The following VPS26A variants were observed in gnomAD, a reference collection of about 807,000 sequenced individuals.
VPS26A encodes the protein VPS26 retromer complex component A.
A neutral mutation model predicts 42.4 loss-of-function variants in VPS26A; 22 were observed. That is an observed-to-expected ratio of 0.52 (90% CI 0.37 to 0.74). The LOEUF (loss-of-function observed/expected upper bound fraction) is 0.74, where lower values mean the gene tolerates loss of function less well. Among genes scored for constraint, VPS26A ranks in the 30% least tolerant of loss-of-function variants. The pLI is 0.00. For synonymous variants in VPS26A, 110 were observed against 123.5 expected, an observed-to-expected ratio of 0.89 and a Z score of 0.73; for missense variants, 276 against 379.2, an observed-to-expected ratio of 0.73 and a Z score of 2.26.
intron 6 of VPS26A, 109 bp from the exon 7 acceptor site, chr10:69,165,933 G>A (rs1841677318): frequency 4.7e-6 from 5 of 1,071,242 alleles, no homozygotes; most frequent in African/African-American, 1.6e-5. Flanking sequence ...GTGATGGAGC[G>A]AGACACCGTC....
intron 1 of VPS26A, among the ~76,000 whole-genome samples, chr10:69,127,484 C>T (rs1840683891): frequency 6.7e-6 from 1 of 150,144 alleles, no homozygotes; most frequent in South Asian, 2.1e-4. Flanking sequence ...ACCCGGGAGG[C>T]GGAGCTTGCA....
chr10:69,158,060 G>C lies in VPS26A; in HGVS notation c.400G>C (p.Val134Leu), dbSNP rs11552064. 5 of 1,600,868 alleles carry C rather than the reference G, an allele frequency of 3.1e-6. No homozygotes were observed. The South Asian group carries it at 5.7e-5, about 18-fold the overall frequency. Residue 134 changes from valine (V) to leucine (L), a missense_variant, in exon 5 of 9, where the codon GTG (valine) becomes CTG (leucine). Transcript: ENST00000263559. ...ANVRLRYFLK[V>L]TIVRRLTDLV... ...TTAACTTTGTAGGTATTTTCTTAAA[G>C]TGACAATAGTGAGAAGACTGACAGA...
At position 69,172,208 on chromosome 10, in the gene VPS26A, G is replaced by A. The variant is rs918813817; in HGVS notation, c.*939G>A. 2.6e-5 allele frequency: 4 copies of A among 152,164 alleles called. No individual in the cohort carries two copies. Among genetic ancestry groups the A allele is most frequent in the Non-Finnish European group, 4.4e-5 (3 of 68,030 alleles). The allele number at this position is 152,164 out of a possible 1,614,324, so 9.4% of individuals were successfully genotyped here. On this transcript the variant is annotated 3_prime_UTR_variant, in exon 9 of 9. Coordinates refer to ENST00000263559, the MANE Select transcript of VPS26A (RefSeq NM_004896.5). ...TGGGGGACTCAGGAGGACCTGTGAA[G>A]CATGTAGTTATCTAGATCTGGGTAA...
intron 6 of VPS26A, among the ~76,000 whole-genome samples, chr10:69,164,149 C>T (rs1165525232): frequency 2.0e-5 from 3 of 151,908 alleles, no homozygotes; most frequent in Non-Finnish European, 4.4e-5. Flanking sequence ...CATTCATATT[C>T]TTTGCCCCAT....
In VPS26A at chr10:69,126,227, G is replaced by A. The variant is rs187689018; in HGVS notation, c.3+1947G>A. ...TGTAATCCCAACAATTTGGGAGGCC[G>A]AGGTGGGCGGATCACCTTGAAGTCG... On this transcript the variant is annotated intron_variant, in intron 1 of 8. Coordinates refer to ENST00000263559, the MANE Select transcript of VPS26A (RefSeq NM_004896.5). 1.7e-3 allele frequency among the ~76,000 whole-genome samples: 143 copies of A among 82,354 alleles called. 1 individual carries two copies. The highest frequency in any genetic ancestry group is 1.6e-3 in the South Asian group (4 of 2,446). 54.0% of individuals were successfully genotyped at this position (82,354 alleles called of 152,430 possible). A position where few individuals can be genotyped will look rare whatever the true frequency, so the allele number is the denominator to read the frequency against.
intron 6 of VPS26A, among the ~76,000 whole-genome samples, chr10:69,164,010 G>A (rs1325135082): frequency 2.0e-5 from 3 of 151,542 alleles, no homozygotes; most frequent in African/African-American, 7.3e-5. Flanking sequence ...CTCGTGATCC[G>A]CCCGCCTCAG....
At chr10:69,156,911 C>G in intron 3 of VPS26A, 96 bp from the exon 4 acceptor site, 2 of 1,153,658 alleles carry the variant, frequency 1.7e-6, no homozygotes, top group Non-Finnish European at 2.4e-6. Context: ...CTCAATAATT[C>G]TTTTGGTAAA....
At chr10:69,152,752 G>A (rs953548588) in intron 2 of VPS26A, among the ~76,000 whole-genome samples, 1 of 151,958 alleles carries the variant, frequency 6.6e-6, no homozygotes, top group African/African-American at 2.4e-5. Flanking sequence ...GGTGGATCAC[G>A]AGGTCAGGAG....
intron 1 of VPS26A, among the ~76,000 whole-genome samples, chr10:69,126,547 C>T (rs1840657701): frequency 7.3e-6 from 1 of 137,746 alleles, no homozygotes. Context: ...AGCCTGGCGA[C>T]AGAGTGAGAC....
intron 7 of VPS26A, among the ~76,000 whole-genome samples, chr10:69,167,467 G>A (rs1216965581): frequency 6.6e-6 from 1 of 151,346 alleles, no homozygotes; most frequent in East Asian, 1.9e-4. Context: ...CAGGCGCGGT[G>A]GCTCACGCCT....
chr10:69,154,903 G>GCACA (rs200262028), intron 2 of VPS26A, among the ~76,000 whole-genome samples: 4,611 of 152,152 alleles, frequency 0.03, 240 homozygotes, highest in African/African-American at 0.1. Flanking sequence ...GCACGTGCGT[G>GCACA]CACATATATA....
intron 6 of VPS26A, among the ~76,000 whole-genome samples, chr10:69,164,837 A>C (rs1027282454): frequency 2.0e-5 from 3 of 152,068 alleles, no homozygotes; most frequent in Admixed American, 2.0e-4. Flanking sequence ...CAGATGGCTG[A>C]CCAGTTGTCC....
chr10:69,165,576 C>T (rs1161005010), intron 6 of VPS26A, among the ~76,000 whole-genome samples: 1 of 151,998 alleles, frequency 6.6e-6, no homozygotes, highest in African/African-American at 2.4e-5. Context: ...GAGGCTGAAG[C>T]GGGCAGATCA....
Position 69,173,283 on chromosome 10 carries a change from C to G in VPS26A, c.*2014C>G, listed in dbSNP as rs1306011366. 6.6e-6 allele frequency among the ~76,000 whole-genome samples: 1 copy of G among 152,106 alleles called. No homozygotes were observed. The highest frequency in any genetic ancestry group is 1.9e-4 in the East Asian group (1 of 5,196). On this transcript the variant is annotated 3_prime_UTR_variant, in exon 9 of 9. Transcript: ENST00000263559. Reference sequence around the variant, plus strand: ...CTTAGAAGCTTTTAAAATAACCAGGCCCGGGTCCTACTCTGACCAATAAAA... The same window carrying G: ...CTTAGAAGCTTTTAAAATAACCAGGGCCGGGTCCTACTCTGACCAATAAAA...
intron 1 of VPS26A, among the ~76,000 whole-genome samples, chr10:69,129,776 G>A (rs1366394247): frequency 6.6e-6 from 1 of 152,100 alleles, no homozygotes; most frequent in Non-Finnish European, 1.5e-5. Context: ...GCCCACCTTG[G>A]CCTCCCAAAG....
intron 8 of VPS26A, among the ~76,000 whole-genome samples, chr10:69,168,872 TTC>T (rs1271601369): frequency 6.6e-6 from 1 of 152,180 alleles, no homozygotes; most frequent in Non-Finnish European, 1.5e-5. Context: ...CTCTTACAAG[TTC>T]TTTTGTTTTT....
intron 6 of VPS26A, among the ~76,000 whole-genome samples, chr10:69,164,004 T>A (rs1841624502): frequency 6.6e-6 from 1 of 151,780 alleles, no homozygotes; most frequent in African/African-American, 2.4e-5. Flanking sequence ...CCTGACCTCG[T>A]GATCCGCCCG....
At chr10:69,145,019 T>G (rs1027204998) in intron 2 of VPS26A, among the ~76,000 whole-genome samples, 1 of 151,996 alleles carries the variant, frequency 6.6e-6, no homozygotes, top group African/African-American at 2.4e-5. Flanking sequence ...CCTATAAATG[T>G]TATTTAATTA....
chr10:69,148,029 T>C (rs1024731740), intron 2 of VPS26A, among the ~76,000 whole-genome samples: 5 of 152,200 alleles, frequency 3.3e-5, no homozygotes, highest in Admixed American at 6.5e-5. Context: ...TGTGTTTTCA[T>C]ATGAAAACTT....
Sources: allele counts gnomAD v4.1 joint callset (sites outside exome capture counted in the v4.1 genomes callset), GRCh38; gene constraint gnomAD v4.1.1; transcripts MANE v1.5; gene names NCBI Gene and HGNC (gene_info 2026-07-23, HGNC 2026-07-21).